Variants in ATP9B observed in about 807,000 individuals in gnomAD.
ATP9B encodes probable phospholipid-transporting ATPase IIB.
Under a neutral mutation model 146.1 loss-of-function variants are expected in ATP9B, and 110 were observed. The observed-to-expected ratio is 0.75, with a 90% CI of 0.65 to 0.88. The LOEUF (loss-of-function observed/expected upper bound fraction) is 0.88, where lower values mean the gene tolerates loss of function less well. Ranked by LOEUF, ATP9B falls within the 40% of genes least tolerant of loss-of-function variation. The pLI is 0.00. For missense variants in ATP9B, 1,499 were observed against 1,496.4 expected (o/e 1.00, Z -0.03); for synonymous variants, 604 against 569.7 (o/e 1.06, Z -0.86).
chr18:79,256,801 T>C (rs909509246), intron 12 of ATP9B, among the ~76,000 whole-genome samples: 5 of 152,184 alleles, frequency 3.3e-5, no homozygotes, highest in Non-Finnish European at 7.3e-5. Flanking sequence ...GCACTAGACC[T>C]CCGGGCCGCA....
rs138429824 is a variant in ATP9B at position 79,345,024 on chromosome 18, A to C, written c.2473-404A>C. Among the ~76,000 whole-genome samples the C allele has an allele frequency of 2.4e-3, 370 of 152,304 alleles. 1 individual carries two copies. The highest frequency in any genetic ancestry group is 8.0e-3 in the African/African-American group (333 of 41,554). On this transcript the variant is annotated intron_variant, in intron 21 of 29. Transcript: ENST00000426216. ...GACCTCTGTTGTTGCTAGTGTCCTC[A>C]GAGCAAGCACTCCAAGAAATCTGGC...
At chr18:79,073,379 C>T (rs937790434) in intron 1 of ATP9B, among the ~76,000 whole-genome samples, 2 of 152,228 alleles carry the variant, frequency 1.3e-5, no homozygotes, top group African/African-American at 4.8e-5. Context: ...GCAATCCCAG[C>T]ACCCCGGGAG....
intron 13 of ATP9B, among the ~76,000 whole-genome samples, chr18:79,295,071 CG>C: frequency 6.7e-6 from 1 of 150,322 alleles, no homozygotes; most frequent in Non-Finnish European, 1.5e-5. Flanking sequence ...GGTACGTGTG[CG>C]TGCATCCATG....
At chr18:79,369,612 G>A (rs554071330) in intron 26 of ATP9B, among the ~76,000 whole-genome samples, 56 of 151,368 alleles carry the variant, frequency 3.7e-4, no homozygotes, top group African/African-American at 1.0e-3. Context: ...AGAGATAAAA[G>A]TGGTTACAGA....
intron 7 of ATP9B, among the ~76,000 whole-genome samples, chr18:79,176,407 A>G (rs75284420): frequency 0.034 from 5,116 of 152,266 alleles, 305 homozygotes; most frequent in African/African-American, 0.12. Flanking sequence ...TTATGACGGT[A>G]AATCTGGTAT....
intron 5 of ATP9B, among the ~76,000 whole-genome samples, chr18:79,128,162 C>T (rs2094319322): frequency 6.8e-6 from 1 of 147,794 alleles, no homozygotes; most frequent in Admixed American, 6.9e-5. Context: ...CGGGTTCGGG[C>T]GATTCTCCTG....
chr18:79,280,971 G>C (rs2145833188), intron 13 of ATP9B, among the ~76,000 whole-genome samples: 1 of 152,062 alleles, frequency 6.6e-6, no homozygotes, highest in East Asian at 1.9e-4. Context: ...ACAAAATCAA[G>C]GTTTTTATAG....
intron 1 of ATP9B, among the ~76,000 whole-genome samples, chr18:79,089,060 C>T (rs888685839): frequency 1.3e-5 from 2 of 151,964 alleles, no homozygotes; most frequent in African/African-American, 4.8e-5. Context: ...TTTTAAAAGT[C>T]CTTTGTGATG....
At chr18:79,258,074 A>G (rs1185565140) in intron 12 of ATP9B, among the ~76,000 whole-genome samples, 2 of 152,240 alleles carry the variant, frequency 1.3e-5, no homozygotes, top group Non-Finnish European at 2.9e-5. Context: ...AGTTGCCAAG[A>G]AAAATTAATT....
chr18:79,198,413 A>G (rs559831122), intron 9 of ATP9B, among the ~76,000 whole-genome samples: 10 of 152,360 alleles, frequency 6.6e-5, no homozygotes, highest in Middle Eastern at 3.4e-3. Context: ...AGGGTTTATT[A>G]TGGAGACAAG....
intron 4 of ATP9B, among the ~76,000 whole-genome samples, chr18:79,124,740 C>A (rs1048937285): frequency 1.3e-5 from 2 of 152,092 alleles, no homozygotes; most frequent in African/African-American, 4.8e-5. Context: ...CACTGTATTT[C>A]ATTGGGAGAG....
intron 12 of ATP9B, among the ~76,000 whole-genome samples, chr18:79,257,601 C>T (rs534456387): frequency 6.6e-6 from 1 of 152,170 alleles, no homozygotes; most frequent in Non-Finnish European, 1.5e-5. Flanking sequence ...GTGAGGCCAC[C>T]GTGGAAGACC....
intron 29 of ATP9B, chr18:79,376,301 A>G (rs1016174748): frequency 3.9e-5 from 38 of 985,108 alleles, no homozygotes; most frequent in Admixed American, 1.2e-4. Context: ...TAAGCACCAC[A>G]ACTAGTACTT....
At chr18:79,227,141 C>T (rs1455891877) in intron 11 of ATP9B, among the ~76,000 whole-genome samples, 1 of 152,112 alleles carries the variant, frequency 6.6e-6, no homozygotes, top group African/African-American at 2.4e-5. Flanking sequence ...TTTAAGCTGG[C>T]CTCTCTGTCG....
At position 79,377,474 on chromosome 18, in the gene ATP9B, G is replaced by A; in HGVS notation, c.*91G>A. 6.7e-7 allele frequency: 1 copy of A among 1,487,742 alleles called. No individual in the cohort carries two copies. The highest frequency in any genetic ancestry group is 9.1e-7 in the Non-Finnish European group (1 of 1,101,902). 92.2% of individuals were successfully genotyped at this position (1,487,742 alleles called of 1,614,324 possible). On this transcript the variant is annotated 3_prime_UTR_variant, in exon 30 of 30. Coordinates refer to ENST00000426216, the MANE Select transcript of ATP9B (RefSeq NM_198531.5). ...GCCAGTGAACGCAGGGTTTGCCATT[G>A]CTACCAAGCAAGCACCACAAGAAAG...
intron 2 of ATP9B, among the ~76,000 whole-genome samples, chr18:79,103,000 G>T (rs1343938822): frequency 6.6e-6 from 1 of 152,178 alleles, no homozygotes; most frequent in Admixed American, 6.5e-5. Context: ...TGAACTCACT[G>T]GTGCTAAGAG....
At chr18:79,363,700 A>G (rs2097006321) in intron 26 of ATP9B, 1 of 152,254 alleles carries the variant, frequency 6.6e-6, no homozygotes, top group African/African-American at 2.4e-5. Context: ...AGAGGCATAA[A>G]CCCATATTCC....
At chr18:79,204,199 A>T (rs2095514353) in intron 9 of ATP9B, among the ~76,000 whole-genome samples, 1 of 152,188 alleles carries the variant, frequency 6.6e-6, no homozygotes, top group South Asian at 2.1e-4. Context: ...TTCTGTGGAA[A>T]AAACAAGAAC....
rs146870371 is a variant in ATP9B at position 79,140,484 on chromosome 18, G to A, written c.668-3318G>A. ...TTTAAGAAGCATTGGTATAAGAACA[G>A]GTGGTTATGGCCAGGCACGGTGGCT... On this transcript the variant is annotated intron_variant, in intron 5 of 29. Coordinates refer to ENST00000426216, the MANE Select transcript of ATP9B (RefSeq NM_198531.5). Among the ~76,000 whole-genome samples the A allele has an allele frequency of 3.8e-3, 582 of 152,196 alleles. 2 individuals carry two copies. The highest frequency in any genetic ancestry group is 0.025 in the South Asian group (119 of 4,816).
Sources: allele counts gnomAD v4.1 joint callset (sites outside exome capture counted in the v4.1 genomes callset), GRCh38; gene constraint gnomAD v4.1.1; transcripts MANE v1.5; gene names NCBI Gene and HGNC (gene_info 2026-07-23, HGNC 2026-07-21).